The following LSM12 variants were observed in gnomAD, a reference collection of about 807,000 sequenced individuals.
LSM12 encodes LSM12 homolog, also known as protein LSM12.
For missense variants in LSM12, 108 were observed against 238.9 expected, an observed-to-expected ratio of 0.45 and a Z score of 3.61; for synonymous variants, 74 against 87.3, an observed-to-expected ratio of 0.85 and a Z score of 0.85.
chr17:44,064,862 G>T (rs778679943), intron 1 of LSM12, among the ~76,000 whole-genome samples: 8 of 152,132 alleles, frequency 5.3e-5, no homozygotes, highest in Non-Finnish European at 8.8e-5. Flanking sequence ...TAGGCCGCGC[G>T]GTGGCTCACG....
intron 2 of LSM12, among the ~76,000 whole-genome samples, chr17:44,053,583 G>C (rs2049673647): frequency 6.6e-6 from 1 of 151,980 alleles, no homozygotes; most frequent in Non-Finnish European, 1.5e-5. Flanking sequence ...GTGCAAGAGG[G>C]AAGACAGAAA....
intron 3 of LSM12, among the ~76,000 whole-genome samples, chr17:44,038,100 G>A (rs773199676): frequency 2.6e-5 from 4 of 152,106 alleles, no homozygotes; most frequent in African/African-American, 4.8e-5. Flanking sequence ...TGTAATCCCC[G>A]CGCTTTGGGA....
At chr17:44,059,408 G>A (rs1456213451) in intron 2 of LSM12, among the ~76,000 whole-genome samples, 1 of 152,058 alleles carries the variant, frequency 6.6e-6, no homozygotes, top group East Asian at 1.9e-4. Context: ...GGTCAACACG[G>A]CAAAACCCCA....
Position 44,066,638 on chromosome 17 carries a change from G to A in LSM12, c.-51C>T, listed in dbSNP as rs2049883785. On this transcript the variant is annotated 5_prime_UTR_variant, in exon 1 of 5. Coordinates refer to ENST00000293406, the MANE Select transcript of LSM12 (RefSeq NM_001371445.1). ...GCGGCGGCGGCAGCAGCGGGCGAAA[G>A]CCGGGCCCCCAGTGAGCGCCGCGAC... 6 of 1,299,136 alleles carry A rather than the reference G, an allele frequency of 4.6e-6. No individual in the cohort carries two copies. The highest frequency in any genetic ancestry group is 4.9e-6 in the Non-Finnish European group (5 of 1,020,424). 80.5% of individuals were successfully genotyped at this position (1,299,136 alleles called of 1,614,324 possible).
intron 1 of LSM12, among the ~76,000 whole-genome samples, 196 bp downstream of exon 1, chr17:44,066,266 GAC>G (rs1255742864): frequency 1.3e-5 from 2 of 152,070 alleles, no homozygotes; most frequent in Non-Finnish European, 2.9e-5. Flanking sequence ...AAGAGAGAGA[GAC>G]AGGATCCCCA....
intron 1 of LSM12, among the ~76,000 whole-genome samples, chr17:44,065,159 G>A (rs935846069): frequency 1.3e-5 from 2 of 151,692 alleles, no homozygotes; most frequent in African/African-American, 4.8e-5. Context: ...AAAAAAAGCC[G>A]GGCGGTGGCT....
At position 44,066,595 on chromosome 17, in the gene LSM12, G is replaced by A. The variant is rs1238511589; in HGVS notation, c.-8C>T. On this transcript the variant is annotated 5_prime_UTR_variant, in exon 1 of 5. Transcript: ENST00000293406. ...GCCCGGAGGAGCCGCCATCTTGGGA[G>A]TGCAGCCGCGGCCGGCGGCGGCGGC... 3 of 1,373,694 alleles carry A rather than the reference G, an allele frequency of 2.2e-6. No individual in the cohort carries two copies. Among genetic ancestry groups the A allele is most frequent in the Non-Finnish European group, 2.8e-6 (3 of 1,059,202 alleles). 85.1% of individuals were successfully genotyped at this position (1,373,694 alleles called of 1,614,324 possible). A position where few individuals can be genotyped will look rare whatever the true frequency, so the allele number is the denominator to read the frequency against.
At chr17:44,066,758 A>C (rs376357295), upstream of LSM12, 8 of 802,066 alleles carry the variant, frequency 1.0e-5, no homozygotes, top group East Asian at 2.0e-4. Flanking sequence ...AAAGAAGAGG[A>C]AATAAAGGGG....
chr17:44,042,269 A>G (rs1378236643), intron 2 of LSM12, among the ~76,000 whole-genome samples: 1 of 151,922 alleles, frequency 6.6e-6, no homozygotes, highest in African/African-American at 2.4e-5. Flanking sequence ...CCTGGGCGAC[A>G]GAGCAAGACT....
chr17:44,063,026 G>A (rs1306016239), intron 2 of LSM12, among the ~76,000 whole-genome samples: 4 of 151,984 alleles, frequency 2.6e-5, no homozygotes, highest in Admixed American at 6.6e-5. Context: ...CCGAGATCGC[G>A]TCACTGCACT....
intron 3 of LSM12, among the ~76,000 whole-genome samples, chr17:44,038,667 A>C (rs995071092): frequency 1.4e-4 from 21 of 152,008 alleles, no homozygotes; most frequent in African/African-American, 4.6e-4. Flanking sequence ...AAAAAGAGAG[A>C]GAGAACAAAC....
chr17:44,040,078 G>C (rs2049467963), intron 3 of LSM12, 69 bp downstream of exon 3: 4 of 1,213,754 alleles, frequency 3.3e-6, no homozygotes, highest in Non-Finnish European at 3.6e-6. Flanking sequence ...CCACCCAAAA[G>C]CCTGCCACCA....
intron 2 of LSM12, among the ~76,000 whole-genome samples, chr17:44,057,147 C>CT (rs1040317013): frequency 2.0e-5 from 3 of 147,716 alleles, no homozygotes; most frequent in Non-Finnish European, 4.5e-5. Flanking sequence ...CAGAGTAAGA[C>CT]TTTTTTTTTC....
At chr17:44,056,839 A>G (rs1444885047) in intron 2 of LSM12, among the ~76,000 whole-genome samples, 2 of 151,718 alleles carry the variant, frequency 1.3e-5, no homozygotes, top group Non-Finnish European at 2.9e-5. Flanking sequence ...TAATAATACA[A>G]AATTAGCCAG....
intron 2 of LSM12, among the ~76,000 whole-genome samples, chr17:44,055,711 A>G (rs2049703975): frequency 6.9e-6 from 1 of 145,432 alleles, no homozygotes; most frequent in African/African-American, 2.5e-5. Flanking sequence ...TATAATATAT[A>G]AAATATATAT....
At chr17:44,047,227 A>G (rs1306854657) in intron 2 of LSM12, among the ~76,000 whole-genome samples, 2 of 152,084 alleles carry the variant, frequency 1.3e-5, no homozygotes, top group African/African-American at 4.8e-5. Context: ...ACAGTATTCA[A>G]AGCTTTTGCC....
At chr17:44,043,369 C>A (rs1451828042) in intron 2 of LSM12, among the ~76,000 whole-genome samples, 1 of 152,254 alleles carries the variant, frequency 6.6e-6, no homozygotes, top group East Asian at 1.9e-4. Context: ...CCCTACCAGG[C>A]TATAACTTTA....
At chr17:44,050,211 TGCCTCA>T in intron 2 of LSM12, among the ~76,000 whole-genome samples, 1 of 152,048 alleles carries the variant, frequency 6.6e-6, no homozygotes. Flanking sequence ...GCGATTCTCC[TGCCTCA>T]GCCTCCCAAG....
At chr17:44,055,229 T>G (rs1443357122) in intron 2 of LSM12, among the ~76,000 whole-genome samples, 6 of 152,032 alleles carry the variant, frequency 3.9e-5, no homozygotes, top group Admixed American at 3.9e-4. Context: ...AAAACTTGCT[T>G]GCCTTAGACA....
Sources: allele counts gnomAD v4.1 joint callset (sites outside exome capture counted in the v4.1 genomes callset), GRCh38; gene constraint gnomAD v4.1.1; transcripts MANE v1.5; gene names NCBI Gene and HGNC (gene_info 2026-07-23, HGNC 2026-07-21).